The following RGS22 variants were observed in gnomAD, a reference collection of about 807,000 sequenced individuals.
The protein encoded by RGS22 is regulator of G protein signaling 22.
In RGS22, 148 loss-of-function variants were observed where a neutral mutation model predicts 172.9. The observed-to-expected ratio is 0.86, with a 90% confidence interval of 0.75 to 0.98. The LOEUF (loss-of-function observed/expected upper bound fraction) is 0.98, where lower values mean the gene tolerates loss of function less well. Ranked by LOEUF, RGS22 falls within the 50% of genes least tolerant of loss-of-function variation. The probability of loss-of-function intolerance (pLI) is 0.00; values close to 1 mark genes in which losing one functional copy is unlikely to be tolerated. For synonymous variants in RGS22, 458 were observed against 480.2 expected (o/e 0.95, Z 0.60); for missense variants, 1,347 against 1,440.8 (o/e 0.93, Z 1.05).
intron 23 of RGS22, among the ~76,000 whole-genome samples, 153 bp from the exon 24 acceptor site, chr8:99,965,583 G>T (rs1233697848): frequency 1.3e-5 from 2 of 152,124 alleles, no homozygotes; most frequent in Non-Finnish European, 2.9e-5. Flanking sequence ...TAATGTGACA[G>T]AGTCTCCTGC....
chr8:100,067,115 T>G (rs1238641883), intron 6 of RGS22, among the ~76,000 whole-genome samples: 1 of 152,188 alleles, frequency 6.6e-6, no homozygotes, highest in Non-Finnish European at 1.5e-5. Context: ...CATTTCTGAT[T>G]TATCCAACTC....
At chr8:100,036,066 C>A (rs897214883) in intron 14 of RGS22, among the ~76,000 whole-genome samples, 6 of 151,878 alleles carry the variant, frequency 4.0e-5, no homozygotes, top group Non-Finnish European at 8.8e-5. Flanking sequence ...TGTAACAAAC[C>A]TGCACGTTGT....
intron 14 of RGS22, among the ~76,000 whole-genome samples, chr8:100,017,572 T>C (rs1817135094): frequency 6.6e-6 from 1 of 152,152 alleles, no homozygotes; most frequent in Non-Finnish European, 1.5e-5. Context: ...TCCAAGGCAA[T>C]CTGTAAGTGG....
chr8:100,005,348 C>T (rs1039284768), intron 16 of RGS22, among the ~76,000 whole-genome samples: 1 of 152,018 alleles, frequency 6.6e-6, no homozygotes, highest in African/African-American at 2.4e-5. Flanking sequence ...TATAATTTTA[C>T]ATAAACAGGA....
At chr8:100,066,964 C>T (rs1371287717) in intron 6 of RGS22, among the ~76,000 whole-genome samples, 4 of 152,174 alleles carry the variant, frequency 2.6e-5, no homozygotes, top group Admixed American at 2.6e-4. Context: ...GCTTCTAGAA[C>T]CCCAGCCCTA....
At chr8:100,104,362 ATT>A (rs112962010) in intron 2 of RGS22, among the ~76,000 whole-genome samples, 15 of 79,518 alleles carry the variant, frequency 1.9e-4, no homozygotes, top group Admixed American at 8.9e-4. Flanking sequence ...GTGTGTGTGT[ATT>A]TTTTTTTTTC....
intron 14 of RGS22, among the ~76,000 whole-genome samples, chr8:100,035,950 G>T (rs900498253): frequency 3.9e-5 from 6 of 152,130 alleles, no homozygotes; most frequent in Admixed American, 3.3e-4. Flanking sequence ...ACACACTGGG[G>T]CCTGTTGTGG....
chr8:100,035,861 G>C (rs1819396686), intron 14 of RGS22, among the ~76,000 whole-genome samples: 1 of 152,136 alleles, frequency 6.6e-6, no homozygotes, highest in Non-Finnish European at 1.5e-5. Context: ...CACAAGGACA[G>C]AAAACCAAAC....
intron 14 of RGS22, among the ~76,000 whole-genome samples, chr8:100,015,842 G>C (rs1021865576): frequency 6.6e-6 from 1 of 152,102 alleles, no homozygotes; most frequent in Non-Finnish European, 1.5e-5. Context: ...CTTTCTTCCT[G>C]ACCTCACACT....
intron 11 of RGS22, chr8:100,042,900 G>GA (rs1161741745): frequency 1.3e-5 from 2 of 152,154 alleles, no homozygotes; most frequent in African/African-American, 4.8e-5. Context: ...GATACAAAAT[G>GA]AAATGTGCTA....
intron 14 of RGS22, among the ~76,000 whole-genome samples, chr8:100,026,637 T>C (rs1285631293): frequency 2.0e-5 from 3 of 152,174 alleles, no homozygotes; most frequent in Non-Finnish European, 4.4e-5. Context: ...TGTCATATCA[T>C]TGGGTGGAGA....
chr8:100,056,155 CTA>C (rs1390512883), intron 9 of RGS22, among the ~76,000 whole-genome samples: 2 of 152,094 alleles, frequency 1.3e-5, no homozygotes, highest in Non-Finnish European at 2.9e-5. Flanking sequence ...GTGACTCTTG[CTA>C]TGTTTTAGCA....
Position 100,028,455 on chromosome 8 carries a change from CAAA to C in RGS22, c.2166+10473_2166+10475del, listed in dbSNP as rs201672610. Among the ~76,000 whole-genome samples the C allele has an allele frequency of 3.4e-3, 313 of 91,820 alleles. 1 individual carries two copies. Among genetic ancestry groups the C allele is most frequent in the African/African-American group, 9.1e-3 (276 of 30,318 alleles). 60.2% of individuals were successfully genotyped at this position (91,820 alleles called of 152,430 possible). A position where few individuals can be genotyped will look rare whatever the true frequency, so the allele number is the denominator to read the frequency against. On this transcript the variant is annotated intron_variant, in intron 14 of 27. Transcript: ENST00000360863. ...CTTTATACCTACCAAACCTAGGAGA[CAAA>C]AAAAAAAAAAAAAGGAAAAAAAAAG...
At chr8:99,980,077 G>GGAA (rs1214119637) in intron 22 of RGS22, among the ~76,000 whole-genome samples, 1 of 152,118 alleles carries the variant, frequency 6.6e-6, no homozygotes, top group Non-Finnish European at 1.5e-5. Flanking sequence ...GAGGGCAGTG[G>GGAA]GAAGTATCTG....
chr8:99,984,966 T>G (rs1183859953), intron 21 of RGS22, among the ~76,000 whole-genome samples: 1 of 152,226 alleles, frequency 6.6e-6, no homozygotes, highest in Non-Finnish European at 1.5e-5. Flanking sequence ...TATCGTAATT[T>G]AGTAACCAAC....
rs561974842 is a variant in RGS22 at position 99,985,338 on chromosome 8, A to G, written c.3180+2120T>C. Among the ~76,000 whole-genome samples, 16 of 152,352 alleles carry G rather than the reference A, an allele frequency of 1.1e-4. No homozygotes were observed. The South Asian group carries it at 2.3e-3, about 22-fold the overall frequency. On this transcript the variant is annotated intron_variant, in intron 21 of 27. Coordinates refer to ENST00000360863, the MANE Select transcript of RGS22 (RefSeq NM_015668.5). ...TAAACACTTAATAAGAGTAAGCCCT[A>G]TAAGAGTTAGCTCGGTTAGACTTTA...
chr8:100,096,859 C>G (rs1490768683), intron 2 of RGS22, among the ~76,000 whole-genome samples: 2 of 151,236 alleles, frequency 1.3e-5, no homozygotes, highest in Non-Finnish European at 2.9e-5. Context: ...ACACTATAAA[C>G]AAGGAAGAGG....
In RGS22 at chr8:100,002,273, T is replaced by C. The variant is rs1266984385; in HGVS notation, c.2719A>G (p.Lys907Glu). The part of the protein sequence containing the change: ...NQRKAKSIYI[K>E]NKYLNKKYFF... ...TATTTTTTATTAAGGTATTTGTTTT[T>C]AATGTATATAGATTTTGCCTTCCTT... The change falls in exon 18 of 28, where the codon AAA becomes GAA. Residue 907 changes from lysine to glutamate, a missense_variant. Physicochemically the swap from Lys to Glu is moderately conservative, Grantham distance 56. Transcript: ENST00000360863. The C allele has an allele frequency of 6.2e-7, 1 of 1,611,312 alleles. No individual in the cohort carries two copies. Among genetic ancestry groups the C allele is most frequent in the Non-Finnish European group, 8.5e-7 (1 of 1,178,712 alleles).
At chr8:100,105,438 A>G in intron 1 of RGS22, 36 bp from the exon 2 acceptor site, 1 of 1,562,622 alleles carries the variant, frequency 6.4e-7, no homozygotes, top group Non-Finnish European at 8.8e-7. Flanking sequence ...ATCTCCCTCA[A>G]ATCTGATTTC....
Sources: gnomAD v4.1 joint callset for allele counts (sites outside exome capture counted in the v4.1 genomes callset) on GRCh38, gnomAD v4.1.1 for gene constraint, MANE v1.5 for transcripts, NCBI Gene and HGNC (gene_info 2026-07-23, HGNC 2026-07-21) for gene names.